The following TRPM3 variants were observed in gnomAD, a reference collection of about 807,000 sequenced individuals.
TRPM3 encodes the protein long transient receptor potential channel 3.
Under a neutral mutation model 181.2 loss-of-function variants are expected in TRPM3, and 77 were observed. That is an observed-to-expected ratio of 0.42 (90% CI 0.35 to 0.51). The LOEUF (loss-of-function observed/expected upper bound fraction) is 0.51, where lower values mean the gene tolerates loss of function less well. Ranked by LOEUF, TRPM3 falls within the 20% of genes least tolerant of loss-of-function variation. The probability of loss-of-function intolerance (pLI) is 0.01; values close to 1 mark genes in which losing one functional copy is unlikely to be tolerated. For synonymous variants in TRPM3, 745 were observed against 796.4 expected (o/e 0.94, Z 1.09); for missense variants, 1,759 against 2,196.7 (o/e 0.80, Z 3.98).
In TRPM3 at chr9:70,744,329, CA is replaced by C. The variant is rs11408759; in HGVS notation, c.1272+17271del. Among the ~76,000 whole-genome samples, 920 of 142,714 alleles carry C rather than the reference CA, an allele frequency of 6.4e-3. 10 individuals carry two copies. The highest frequency in any genetic ancestry group is 0.021 in the African/African-American group (822 of 39,026). 93.6% of individuals were successfully genotyped at this position (142,714 alleles called of 152,430 possible). A position where few individuals can be genotyped will look rare whatever the true frequency, so the allele number is the denominator to read the frequency against. ...GGTGACAAGAGCAAAATCTCTGTCTCAAAAAAAAAAAAGTAAAAAGAAAAAA... is the reference window on the plus strand; with the variant it reads ...GGTGACAAGAGCAAAATCTCTGTCTCAAAAAAAAAAAGTAAAAAGAAAAAA... On this transcript the variant is annotated intron_variant, in intron 8 of 25. Transcript: ENST00000677713.
intron 1 of TRPM3, among the ~76,000 whole-genome samples, chr9:71,077,749 C>T (rs1173664744): frequency 2.0e-5 from 3 of 152,124 alleles, no homozygotes. Flanking sequence ...CAGCCACACT[C>T]ACCTGAGGCA....
At chr9:70,613,621 G>A (rs1345128242) in intron 18 of TRPM3, among the ~76,000 whole-genome samples, 2 of 152,196 alleles carry the variant, frequency 1.3e-5, no homozygotes, top group Non-Finnish European at 2.9e-5. Context: ...GACAACTGCT[G>A]TCCAGCCCTG....
Position 70,536,966 on chromosome 9 carries a change from G to A in TRPM3, c.4147C>T (p.His1383Tyr). The A allele has an allele frequency of 6.2e-7, 1 of 1,613,874 alleles. No homozygotes were observed. Among genetic ancestry groups the A allele is most frequent in the African/African-American group, 1.3e-5 (1 of 75,042 alleles). The change falls in exon 26 of 26, where the codon CAC (histidine) becomes TAC (tyrosine). Residue 1383 changes from histidine (H) to tyrosine (Y), a missense_variant. Transcript: ENST00000677713. ...SLSLHRATSS[H>Y]SVAKEPKAPA... ...GCTTTGGGTTCTTTTGCTACAGAGTGGGAACTAGTAGCCCGGTGTAGGCTC... is the reference window on the plus strand; with the variant it reads ...GCTTTGGGTTCTTTTGCTACAGAGTAGGAACTAGTAGCCCGGTGTAGGCTC...
intron 1 of TRPM3, among the ~76,000 whole-genome samples, chr9:70,988,818 A>G (rs1324727576): frequency 1.3e-5 from 2 of 152,336 alleles, no homozygotes; most frequent in Non-Finnish European, 2.9e-5. Flanking sequence ...GCCCCTGGGC[A>G]CTACATGGGA....
At chr9:71,085,540 AT>A (rs1360633976) in intron 1 of TRPM3, among the ~76,000 whole-genome samples, 2 of 151,592 alleles carry the variant, frequency 1.3e-5, no homozygotes, top group African/African-American at 4.9e-5. Flanking sequence ...ACATGAACAG[AT>A]ACTTCTCAAC....
intron 1 of TRPM3, among the ~76,000 whole-genome samples, chr9:71,191,368 T>C (rs2078009381): frequency 6.6e-6 from 1 of 151,850 alleles, no homozygotes; most frequent in African/African-American, 2.4e-5. Flanking sequence ...TTCAAATACC[T>C]TTTCAAGTTC....
chr9:71,275,553 C>G (rs2084137280), intron 1 of TRPM3, among the ~76,000 whole-genome samples: 1 of 151,864 alleles, frequency 6.6e-6, no homozygotes, highest in African/African-American at 2.4e-5. Context: ...ATATATGGAG[C>G]CTAACAAACT....
chr9:71,265,382 C>A (rs2083318017), intron 1 of TRPM3, among the ~76,000 whole-genome samples: 2 of 152,256 alleles, frequency 1.3e-5, no homozygotes, highest in South Asian at 2.1e-4. Flanking sequence ...AAGAGGAAAT[C>A]ATTTGGATGA....
intron 1 of TRPM3, among the ~76,000 whole-genome samples, chr9:71,182,567 C>T (rs2077463908): frequency 6.6e-6 from 1 of 152,106 alleles, no homozygotes; most frequent in African/African-American, 2.4e-5. Flanking sequence ...TCCTAAAAGA[C>T]ACTTTTAGCA....
At chr9:70,635,462 ATTT>A (rs71505401) in intron 11 of TRPM3, among the ~76,000 whole-genome samples, 3 of 113,124 alleles carry the variant, frequency 2.7e-5, no homozygotes, top group Admixed American at 1.0e-4. Context: ...TTTGTCAGTG[ATTT>A]TTTTTTTTTT....
chr9:70,633,163 T>C (rs967332316), intron 12 of TRPM3, among the ~76,000 whole-genome samples: 4 of 152,168 alleles, frequency 2.6e-5, no homozygotes, highest in African/African-American at 9.7e-5. Context: ...TCACAATTCC[T>C]TCAGGGACAG....
chr9:70,555,142 C>G (rs2047350021), intron 22 of TRPM3, among the ~76,000 whole-genome samples: 1 of 152,168 alleles, frequency 6.6e-6, no homozygotes, highest in Non-Finnish European at 1.5e-5. Context: ...TGATTTTGAG[C>G]CATGCTGCTG....
At chr9:70,656,774 T>C (rs545696758) in intron 9 of TRPM3, among the ~76,000 whole-genome samples, 2 of 152,260 alleles carry the variant, frequency 1.3e-5, no homozygotes, top group East Asian at 3.9e-4. Flanking sequence ...TGAAAATAAA[T>C]TGTAGGAAAA....
intron 8 of TRPM3, among the ~76,000 whole-genome samples, chr9:70,744,612 G>A (rs777616009): frequency 9.9e-5 from 15 of 152,058 alleles, no homozygotes; most frequent in African/African-American, 2.9e-4. Flanking sequence ...TGTTTTTCAC[G>A]TCAATGAATA....
At chr9:71,043,389 C>A (rs981109380) in intron 1 of TRPM3, among the ~76,000 whole-genome samples, 1 of 152,106 alleles carries the variant, frequency 6.6e-6, no homozygotes, top group Non-Finnish European at 1.5e-5. Context: ...GTCTCAGCTA[C>A]CAGAGCAAGT....
Position 70,873,153 on chromosome 9 carries a change from G to C in TRPM3, c.178-8642C>G, listed in dbSNP as rs577292556. On this transcript the variant is annotated intron_variant, in intron 1 of 25. Transcript: ENST00000677713. ...CGATGATGTCACAAAAGTGACCCAA[G>C]TTTGAGAAACACAGGACCAAGCGCT... is the stretch of plus-strand genomic sequence containing the variant. Among the ~76,000 whole-genome samples, 15 of 152,100 alleles carry C rather than the reference G, an allele frequency of 9.9e-5. No individual in the cohort carries two copies. In the South Asian group the frequency reaches 2.5e-3, roughly 25 times the overall value.
At position 71,232,352 on chromosome 9, in the gene TRPM3, T is replaced by C. The variant is rs773962662; in HGVS notation, c.183+214301A>G. On this transcript the variant is annotated intron_variant, in intron 1 of 24. Transcript: ENST00000357533. ...AAACCAGAAGTTAAACTGAAGCCGA[T>C]ATGATTCCAAGACACATGCTATCAA... Among the ~76,000 whole-genome samples the C allele has an allele frequency of 2.0e-4, 30 of 152,230 alleles. No individual in the cohort carries two copies. In the Middle Eastern group the frequency reaches 0.024, roughly 121 times the overall value.
chr9:71,263,964 T>A (rs985922198), intron 1 of TRPM3, among the ~76,000 whole-genome samples: 1 of 152,076 alleles, frequency 6.6e-6, no homozygotes, highest in Non-Finnish European at 1.5e-5. Context: ...TAAAATTTCT[T>A]GTAGAGACAA....
chr9:70,665,943 T>C (rs1438899592), intron 9 of TRPM3, among the ~76,000 whole-genome samples: 1 of 152,256 alleles, frequency 6.6e-6, no homozygotes, highest in African/African-American at 2.4e-5. Context: ...ACTAAAGTTA[T>C]ACATGCACAG....
Sources: allele counts gnomAD v4.1 joint callset (sites outside exome capture counted in the v4.1 genomes callset), GRCh38; gene constraint gnomAD v4.1.1; transcripts MANE v1.5; gene names NCBI Gene and HGNC (gene_info 2026-07-23, HGNC 2026-07-21).